Variants in OTUD7A observed in about 807,000 individuals in gnomAD.
OTUD7A encodes OTU deubiquitinase 7A.
OTUD7A carries 12 observed loss-of-function variants against 65.7 expected under a neutral mutation model. The observed-to-expected ratio is 0.18, with a 90% CI of 0.12 to 0.30. OTUD7A has a LOEUF of 0.30. OTUD7A is among the 10% of genes least tolerant of loss of function. The pLI is 1.00. For synonymous variants in OTUD7A, 641 were observed against 586.3 expected, an observed-to-expected ratio of 1.09 and a Z score of -1.35; for missense variants, 1,148 against 1,304.8, an observed-to-expected ratio of 0.88 and a Z score of 1.85.
chr15:31,864,398 G>C (rs1160672834), intron 1 of OTUD7A, among the ~76,000 whole-genome samples: 1 of 152,158 alleles, frequency 6.6e-6, no homozygotes. Context: ...GGTTTAATTG[G>C]ACTTACAGTT....
chr15:31,829,232 G>T (rs1449333895), intron 1 of OTUD7A, among the ~76,000 whole-genome samples: 1 of 152,224 alleles, frequency 6.6e-6, no homozygotes, highest in Admixed American at 6.5e-5. Context: ...ACCTGGGACA[G>T]GGTCTGCTTA....
chr15:31,610,605 A>ATT (rs1472216504), intron 3 of OTUD7A, among the ~76,000 whole-genome samples: 1 of 38,678 alleles, frequency 2.6e-5, no homozygotes, highest in Admixed American at 3.5e-4. Context: ...ATATATATAT[A>ATT]TATATATATA....
chr15:31,701,744 A>C (rs902097471), intron 1 of OTUD7A, among the ~76,000 whole-genome samples: 1 of 152,118 alleles, frequency 6.6e-6, no homozygotes, highest in African/African-American at 2.4e-5. Context: ...ATTAACACCT[A>C]TTCTACTGTC....
In OTUD7A at chr15:31,813,820, T is replaced by C. The variant is rs769693458; in HGVS notation, c.-100+56687A>G. On this transcript the variant is annotated intron_variant, in intron 1 of 12. Transcript: ENST00000307050. ...CTGTAAATATCAATCTCCTAGAATATCCAGGCCCAATTCCTGCCTCCGCAG... is the reference window on the plus strand; with the variant it reads ...CTGTAAATATCAATCTCCTAGAATACCCAGGCCCAATTCCTGCCTCCGCAG... Among the ~76,000 whole-genome samples, 12 of 152,212 alleles carry C rather than the reference T, an allele frequency of 7.9e-5. 1 individual carries two copies. The highest frequency in any genetic ancestry group is 1.2e-4 in the Non-Finnish European group (8 of 68,042).
intron 5 of OTUD7A, chr15:31,556,931 T>C (rs1320784652): frequency 1.2e-5 from 1 of 83,864 alleles, no homozygotes. Flanking sequence ...TTATTGCTAA[T>C]CTAGCTGAAT....
intron 6 of OTUD7A, among the ~76,000 whole-genome samples, chr15:31,528,992 G>T (rs1036162104): frequency 6.6e-6 from 1 of 152,228 alleles, no homozygotes; most frequent in African/African-American, 2.4e-5. Flanking sequence ...AGGCTCTCTT[G>T]CAGATGGAAA....
rs1381241118 is a variant in OTUD7A at position 31,483,406 on chromosome 15, C to T, written c.2690G>A (p.Cys897Tyr). ...GTAGAACGCACAGTTCTCGCGCTGG[C>T]AGCGCCGCTGCACCGGCCCCGGGCC... is the stretch of plus-strand genomic sequence containing the variant. ...RGGPGPVQRR[C>Y]QRENCAFYGR... The change falls in exon 13 of 13, where the codon TGC (cysteine) becomes TAC (tyrosine). Residue 897 changes from cysteine (C) to tyrosine (Y), a missense_variant. Cys to Tyr is a radical substitution (Grantham distance 194). Coordinates refer to ENST00000307050, the MANE Select transcript of OTUD7A (RefSeq NM_001382637.1). 7.4e-7 allele frequency: 1 copy of T among 1,351,134 alleles called. No individual in the cohort carries two copies. The highest frequency in any genetic ancestry group is 1.6e-5 in the African/African-American group (1 of 64,238). 83.7% of individuals were successfully genotyped at this position (1,351,134 alleles called of 1,614,324 possible).
chr15:31,778,352 G>A (rs761847249), intron 1 of OTUD7A, among the ~76,000 whole-genome samples: 1 of 152,194 alleles, frequency 6.6e-6, no homozygotes, highest in Admixed American at 6.5e-5. Context: ...GCAGCTGGGG[G>A]ATTCCATCTG....
intron 3 of OTUD7A, 129 bp from the exon 4 acceptor site, chr15:31,570,326 G>A (rs12898674): frequency 0.24 from 258,915 of 1,091,798 alleles, 36,898 homozygotes; most frequent in African/African-American, 0.63. Context: ...AGTAGTTCTT[G>A]TTTTTCAAAG....
intron 1 of OTUD7A, among the ~76,000 whole-genome samples, chr15:31,797,232 CA>C (rs1285081978): frequency 2.0e-5 from 3 of 152,162 alleles, no homozygotes; most frequent in Non-Finnish European, 4.4e-5. Flanking sequence ...CAACCCTCCC[CA>C]AAAAGCTGGG....
intron 1 of OTUD7A, among the ~76,000 whole-genome samples, chr15:31,817,887 A>C (rs1896589658): frequency 6.6e-6 from 1 of 152,228 alleles, no homozygotes; most frequent in African/African-American, 2.4e-5. Flanking sequence ...TTAAGCCTCA[A>C]GGTGGTGGTA....
intron 3 of OTUD7A, among the ~76,000 whole-genome samples, chr15:31,625,535 A>G (rs991865260): frequency 1.3e-5 from 2 of 152,208 alleles, no homozygotes; most frequent in African/African-American, 4.8e-5. Flanking sequence ...GTATGTTGTT[A>G]CAGTGGGAGT....
intron 3 of OTUD7A, among the ~76,000 whole-genome samples, chr15:31,579,781 T>C (rs1889317424): frequency 6.6e-6 from 1 of 152,220 alleles, no homozygotes; most frequent in African/African-American, 2.4e-5. Flanking sequence ...TCAATACATA[T>C]ATACTCTCTC....
chr15:31,623,546 G>A (rs904196197), intron 3 of OTUD7A, among the ~76,000 whole-genome samples: 2 of 152,258 alleles, frequency 1.3e-5, no homozygotes, highest in African/African-American at 2.4e-5. Flanking sequence ...GGCTCCGTGG[G>A]CGTGGGACCC....
intron 1 of OTUD7A, among the ~76,000 whole-genome samples, chr15:31,815,439 G>T (rs1175448386): frequency 6.6e-6 from 1 of 152,214 alleles, no homozygotes; most frequent in African/African-American, 2.4e-5. Flanking sequence ...CTGGGGTGAT[G>T]TACAATCATT....
intron 1 of OTUD7A, among the ~76,000 whole-genome samples, chr15:31,865,802 C>T (rs1047244648): frequency 2.2e-4 from 34 of 152,286 alleles, no homozygotes; most frequent in African/African-American, 7.9e-4. Context: ...CAATCCCCAG[C>T]ACCATGTGAA....
At chr15:31,645,774 T>C (rs1204661662) in intron 3 of OTUD7A, among the ~76,000 whole-genome samples, 9 of 152,230 alleles carry the variant, frequency 5.9e-5, no homozygotes, top group African/African-American at 1.7e-4. Context: ...ACAGCACAGG[T>C]TGGCAAACTA....
chr15:31,528,048 C>G (rs1357300024), intron 6 of OTUD7A, among the ~76,000 whole-genome samples: 4 of 152,248 alleles, frequency 2.6e-5, no homozygotes. Flanking sequence ...CATCCACCCA[C>G]CCACGCACCC....
intron 1 of OTUD7A, chr15:31,766,981 T>C (rs1263557899): frequency 1.9e-6 from 3 of 1,612,028 alleles, no homozygotes; most frequent in South Asian, 2.2e-5. Flanking sequence ...TATTAAATTA[T>C]GACAACTTCC....
Sources: gnomAD v4.1 joint callset for allele counts (sites outside exome capture counted in the v4.1 genomes callset) on GRCh38, gnomAD v4.1.1 for gene constraint, MANE v1.5 for transcripts, NCBI Gene and HGNC (gene_info 2026-07-23, HGNC 2026-07-21) for gene names.